SH3GL3: variants seen among roughly 807,000 people sequenced by gnomAD.
The protein encoded by SH3GL3 is endophilin-A3.
Under a neutral mutation model 47.7 loss-of-function variants are expected in SH3GL3, and 33 were observed. The observed-to-expected ratio is 0.69, with a 90% confidence interval of 0.52 to 0.92. The LOEUF (loss-of-function observed/expected upper bound fraction) is 0.92, where lower values mean the gene tolerates loss of function less well. Among genes scored for constraint, SH3GL3 ranks in the 40% least tolerant of loss-of-function variants. The pLI is 0.00. For missense variants in SH3GL3, 363 were observed against 417.8 expected (o/e 0.87, Z 1.14); for synonymous variants, 155 against 148.8 (o/e 1.04, Z -0.30).
intron 1 of SH3GL3, among the ~76,000 whole-genome samples, chr15:83,491,767 C>G (rs2041882696): frequency 6.6e-6 from 1 of 152,136 alleles, no homozygotes; most frequent in Non-Finnish European, 1.5e-5. Context: ...TTGTGTTTGT[C>G]CAGCTTCCAT....
intron 1 of SH3GL3, among the ~76,000 whole-genome samples, chr15:83,551,543 A>G (rs1370377729): frequency 6.6e-6 from 1 of 152,132 alleles, no homozygotes; most frequent in Non-Finnish European, 1.5e-5. Context: ...CGCCTAACCG[A>G]TCTGCCTGTC....
chr15:83,539,513 G>T (rs1372059038), intron 1 of SH3GL3, among the ~76,000 whole-genome samples: 5 of 152,198 alleles, frequency 3.3e-5, no homozygotes, highest in African/African-American at 1.2e-4. Context: ...AAACATTCAA[G>T]CCATAGCAGA....
At chr15:83,458,914 TCA>T (rs1405634581) in intron 1 of SH3GL3, among the ~76,000 whole-genome samples, 1 of 152,204 alleles carries the variant, frequency 6.6e-6, no homozygotes, top group Admixed American at 6.5e-5. Context: ...GAGTATTGAC[TCA>T]CACGATCACA....
chr15:83,489,396 TC>T (rs1291661464), intron 1 of SH3GL3: 1 of 152,234 alleles, frequency 6.6e-6, no homozygotes, highest in Non-Finnish European at 1.5e-5. Context: ...ATTTCCTGTT[TC>T]CACCCTCATC....
At chr15:83,613,584 A>G (rs2151848513) in intron 8 of SH3GL3, among the ~76,000 whole-genome samples, 1 of 152,280 alleles carries the variant, frequency 6.6e-6, no homozygotes, top group Non-Finnish European at 1.5e-5. Flanking sequence ...TGGTCATTGC[A>G]GGTGGCTTAT....
intron 1 of SH3GL3, among the ~76,000 whole-genome samples, chr15:83,518,867 G>C (rs549689620): frequency 1.3e-4 from 20 of 152,274 alleles, no homozygotes; most frequent in African/African-American, 4.8e-4. Context: ...AATTCTTATA[G>C]TTTGAGGTTT....
At chr15:83,518,301 G>C (rs543315942) in intron 1 of SH3GL3, among the ~76,000 whole-genome samples, 1 of 152,112 alleles carries the variant, frequency 6.6e-6, no homozygotes, top group East Asian at 1.9e-4. Flanking sequence ...TAAGTTCTTT[G>C]AGAAATCTCC....
At chr15:83,545,879 A>G (rs2044367814) in intron 1 of SH3GL3, among the ~76,000 whole-genome samples, 1 of 152,084 alleles carries the variant, frequency 6.6e-6, no homozygotes, top group South Asian at 2.1e-4. Context: ...CTTCCAAACA[A>G]ATGCAATCTC....
intron 6 of SH3GL3, among the ~76,000 whole-genome samples, chr15:83,577,685 C>G (rs1461361584): frequency 6.6e-6 from 1 of 152,176 alleles, no homozygotes; most frequent in East Asian, 1.9e-4. Flanking sequence ...AGCCACCACG[C>G]CAGCCCCTGA....
At chr15:83,496,371 A>AT (rs2042080115) in intron 1 of SH3GL3, among the ~76,000 whole-genome samples, 1 of 141,412 alleles carries the variant, frequency 7.1e-6, no homozygotes. Flanking sequence ...AAAAAAAAAA[A>AT]GAAAAAAAAA....
At position 83,587,030 on chromosome 15, in the gene SH3GL3, CT is replaced by C; in HGVS notation, c.673del (p.Tyr225IlefsTer36). 6.2e-7 allele frequency: 1 copy of C among 1,611,084 alleles called. No individual in the cohort carries two copies. Among genetic ancestry groups the C allele is most frequent in the Non-Finnish European group, 8.5e-7 (1 of 1,178,648 alleles). ...CTGTGTTCATAGAGGCAGCATTAGA[CT>C]ATCACAGACAGTCCACAGAGATTCT... ...LAVFIEAALD[Y>X]HRQSTEILQE... On this transcript the variant is annotated frameshift_variant, in exon 7 of 9. Transcript: ENST00000427482. LOFTEE classifies it high-confidence loss of function.
intron 1 of SH3GL3, among the ~76,000 whole-genome samples, chr15:83,554,016 G>A (rs2044804538): frequency 2.1e-5 from 3 of 144,074 alleles, no homozygotes; most frequent in South Asian, 2.2e-4. Context: ...TCTTTCTCTC[G>A]CTCTTTTTTT....
In SH3GL3 at chr15:83,506,468, T is replaced by C. The variant is rs77098532; in HGVS notation, c.46-52785T>C. Among the ~76,000 whole-genome samples the C allele has an allele frequency of 1.7e-3, 266 of 152,362 alleles. 1 individual carries two copies. The highest frequency in any genetic ancestry group is 6.3e-3 in the African/African-American group (261 of 41,590). Reference sequence around the variant, plus strand: ...TTCTGACACCTACTTGTAGTTGTTGTGCTCTGCGGGACACATCTGATAGGG... The same window carrying C: ...TTCTGACACCTACTTGTAGTTGTTGCGCTCTGCGGGACACATCTGATAGGG... On this transcript the variant is annotated intron_variant, in intron 1 of 8. Coordinates refer to ENST00000427482, the MANE Select transcript of SH3GL3 (RefSeq NM_003027.5).
intron 2 of SH3GL3, 33 bp from the exon 3 acceptor site, chr15:83,565,101 A>G (rs2045470119): frequency 5.2e-6 from 5 of 952,910 alleles, no homozygotes; most frequent in Non-Finnish European, 8.2e-6. Context: ...TGAGTTTGTC[A>G]TTTACTAACT....
At chr15:83,566,365 AGT>A (rs57323112) in intron 3 of SH3GL3, among the ~76,000 whole-genome samples, 7,119 of 136,222 alleles carry the variant, frequency 0.052, 316 homozygotes, top group African/African-American at 0.13. Context: ...AGAGAGAGAG[AGT>A]GTGTGTGTGT....
chr15:83,532,455 C>T (rs2043721507), intron 1 of SH3GL3, among the ~76,000 whole-genome samples: 1 of 152,146 alleles, frequency 6.6e-6, no homozygotes. Flanking sequence ...GATATTTAGA[C>T]TGCAGAGGCC....
downstream of SH3GL3, among the ~76,000 whole-genome samples, chr15:83,622,586 G>A (rs1220451015): frequency 6.6e-6 from 1 of 152,248 alleles, no homozygotes; most frequent in African/African-American, 2.4e-5. Context: ...TCTGTTGACA[G>A]ATAGCTGCCA....
intron 1 of SH3GL3, among the ~76,000 whole-genome samples, chr15:83,498,671 C>G (rs1036075729): frequency 6.6e-6 from 1 of 152,078 alleles, no homozygotes; most frequent in Non-Finnish European, 1.5e-5. Flanking sequence ...AGGGTGGGGC[C>G]ACATTACTTA....
At chr15:83,628,485 G>A in the SH3GL3 span, among the ~76,000 whole-genome samples, 1 of 152,220 alleles carries the variant, frequency 6.6e-6, no homozygotes, top group Admixed American at 6.5e-5. Context: ...GCTCACACCT[G>A]TAATCCCAGC....
Sources: gnomAD v4.1 joint callset for allele counts (sites outside exome capture counted in the v4.1 genomes callset) on GRCh38, gnomAD v4.1.1 for gene constraint, MANE v1.5 for transcripts, NCBI Gene and HGNC (gene_info 2026-07-23, HGNC 2026-07-21) for gene names.